Variants in IQSEC1 observed in about 807,000 individuals in gnomAD.
IQSEC1 encodes the protein IQ motif and Sec7 domain ArfGEF 1.
A neutral mutation model predicts 91.0 loss-of-function variants in IQSEC1; 31 were observed. The observed-to-expected ratio is 0.34, with a 90% CI of 0.26 to 0.46. The LOEUF (loss-of-function observed/expected upper bound fraction) is 0.46, where lower values mean the gene tolerates loss of function less well. Ranked by LOEUF, IQSEC1 falls within the 20% of genes least tolerant of loss-of-function variation. IQSEC1 has a pLI of 1.00. For missense variants in IQSEC1, 1,388 were observed against 1,575.6 expected, an observed-to-expected ratio of 0.88 and a Z score of 2.02; for synonymous variants, 699 against 662.6, an observed-to-expected ratio of 1.05 and a Z score of -0.84.
intron 1 of IQSEC1, among the ~76,000 whole-genome samples, chr3:13,206,533 T>C (rs1576294994): frequency 6.6e-6 from 1 of 152,366 alleles, no homozygotes; most frequent in South Asian, 2.1e-4. Context: ...CATATGACCG[T>C]AAAAACTCAT....
intron 1 of IQSEC1, among the ~76,000 whole-genome samples, chr3:13,041,173 C>T (rs577537922): frequency 6.6e-6 from 1 of 151,964 alleles, no homozygotes; most frequent in East Asian, 1.9e-4. Flanking sequence ...CACCGAATCA[C>T]TGACAGCCGG....
intron 1 of IQSEC1, among the ~76,000 whole-genome samples, chr3:12,971,518 C>G (rs1013325147): frequency 1.3e-5 from 2 of 152,192 alleles, no homozygotes; most frequent in Admixed American, 1.3e-4. Context: ...AAGATGGCAG[C>G]AGCATCTTGC....
At chr3:12,925,417 G>C (rs1262613920) in intron 3 of IQSEC1, among the ~76,000 whole-genome samples, 2 of 152,212 alleles carry the variant, frequency 1.3e-5, no homozygotes, top group African/African-American at 4.8e-5. Context: ...CCAGACTCGG[G>C]AGCCCAACAG....
At chr3:12,902,322 A>G (rs1694405039) in intron 13 of IQSEC1, among the ~76,000 whole-genome samples, 1 of 152,100 alleles carries the variant, frequency 6.6e-6, no homozygotes, top group South Asian at 2.1e-4. Context: ...GAAGAAAGCG[A>G]TGAGGATGGG....
chr3:13,131,941 T>A (rs548026349), intron 2 of IQSEC1, among the ~76,000 whole-genome samples: 3 of 152,252 alleles, frequency 2.0e-5, no homozygotes, highest in Non-Finnish European at 4.4e-5. Flanking sequence ...ATAGTTATAA[T>A]TGCTATATTA....
intron 1 of IQSEC1, among the ~76,000 whole-genome samples, chr3:13,059,869 G>A (rs948908538): frequency 5.9e-5 from 9 of 152,360 alleles, no homozygotes; most frequent in South Asian, 4.1e-4. Context: ...TTGGAGCAGC[G>A]GTGAACTCGA....
intron 12 of IQSEC1, among the ~76,000 whole-genome samples, chr3:12,906,681 C>T (rs528162465): frequency 3.0e-4 from 45 of 152,340 alleles, no homozygotes; most frequent in African/African-American, 1.1e-3. Flanking sequence ...CTCACACGAA[C>T]CTGGGGCCGG....
At chr3:13,266,987 C>T (rs1695503175) in intron 1 of IQSEC1, among the ~76,000 whole-genome samples, 1 of 151,770 alleles carries the variant, frequency 6.6e-6, no homozygotes, top group African/African-American at 2.4e-5. Context: ...TCCATAACCG[C>T]TTACTCGATT....
At chr3:13,233,551 T>C (rs1393381935) in intron 1 of IQSEC1, among the ~76,000 whole-genome samples, 6 of 152,186 alleles carry the variant, frequency 3.9e-5, no homozygotes, top group Non-Finnish European at 5.9e-5. Flanking sequence ...ATTATGTTTA[T>C]CCAAGCCTCA....
At chr3:13,126,574 T>C (rs535430240) in intron 2 of IQSEC1, among the ~76,000 whole-genome samples, 5 of 152,372 alleles carry the variant, frequency 3.3e-5, no homozygotes, top group Non-Finnish European at 7.3e-5. Flanking sequence ...AGTAGGTGTG[T>C]ATTTAACCTT....
At chr3:12,957,453 G>A (rs1699981263) in intron 1 of IQSEC1, among the ~76,000 whole-genome samples, 1 of 152,192 alleles carries the variant, frequency 6.6e-6, no homozygotes, top group African/African-American at 2.4e-5. Flanking sequence ...AAATCTTCCC[G>A]GCTGAGCCAA....
At chr3:13,218,492 G>A (rs1694591930) in intron 1 of IQSEC1, among the ~76,000 whole-genome samples, 1 of 152,244 alleles carries the variant, frequency 6.6e-6, no homozygotes, top group Non-Finnish European at 1.5e-5. Context: ...AGAGTCTTTG[G>A]CGGGAGGTGT....
chr3:12,984,294 G>A (rs1413540132), intron 1 of IQSEC1, among the ~76,000 whole-genome samples: 1 of 152,178 alleles, frequency 6.6e-6, no homozygotes, highest in Non-Finnish European at 1.5e-5. Context: ...CCATGCCTTT[G>A]CTAGCGAGCA....
rs759052806 is a variant in IQSEC1, at chr3:12,901,296, T to C, written c.3032A>G (p.His1011Arg). ...CAGCCCCTCTGGGGGCCCCAGGTGGTGGCCAGCCACAGAGTGCTGCAAGTG... is the reference window on the plus strand; with the variant it reads ...CAGCCCCTCTGGGGGCCCCAGGTGGCGGCCAGCCACAGAGTGCTGCAAGTG... ...LPHLQHSVAG[H>R]HLGPPEGLPQ... The change falls in exon 14 of 14, where the codon CAC (histidine) becomes CGC (arginine). Residue 1011 changes from histidine (H) to arginine (R), a missense_variant. By Grantham distance (29) the His-to-Arg change is conservative. Coordinates refer to ENST00000613206, the MANE Select transcript of IQSEC1 (RefSeq NM_001134382.3). The C allele has an allele frequency of 7.5e-7, 1 of 1,342,272 alleles. No individual in the cohort carries two copies. Among genetic ancestry groups the C allele is most frequent in the Non-Finnish European group, 9.8e-7 (1 of 1,022,294 alleles). The allele number at this position is 1,342,272 out of a possible 1,614,324, so 83.1% of individuals were successfully genotyped here.
chr3:13,247,522 G>A (rs191574482), intron 1 of IQSEC1, among the ~76,000 whole-genome samples: 2 of 152,272 alleles, frequency 1.3e-5, no homozygotes, highest in East Asian at 1.9e-4. Context: ...CAGGCTCCAC[G>A]CCAGAAGCTG....
At chr3:12,953,365 C>T (rs1291674333) in intron 1 of IQSEC1, among the ~76,000 whole-genome samples, 1 of 152,252 alleles carries the variant, frequency 6.6e-6, no homozygotes, top group Non-Finnish European at 1.5e-5. Flanking sequence ...ACCGGCCTCA[C>T]TGACATGCCC....
chr3:13,054,401 G>C (rs868447714), intron 1 of IQSEC1, among the ~76,000 whole-genome samples: 1 of 152,246 alleles, frequency 6.6e-6, no homozygotes, highest in African/African-American at 2.4e-5. Context: ...AAGGGAGGAA[G>C]CAGTGGGCAC....
At chr3:13,114,604 C>A (rs947755414) in intron 2 of IQSEC1, among the ~76,000 whole-genome samples, 4 of 151,982 alleles carry the variant, frequency 2.6e-5, no homozygotes, top group Non-Finnish European at 4.4e-5. Flanking sequence ...TCGGCCTGGG[C>A]AACATGGTGA....
intron 1 of IQSEC1, among the ~76,000 whole-genome samples, chr3:13,232,049 G>A (rs937798330): frequency 1.3e-5 from 2 of 152,208 alleles, no homozygotes; most frequent in Admixed American, 1.3e-4. Flanking sequence ...TGGATTACTT[G>A]GATCATAATT....
Sources: gnomAD v4.1 joint callset for allele counts (sites outside exome capture counted in the v4.1 genomes callset) on GRCh38, gnomAD v4.1.1 for gene constraint, MANE v1.5 for transcripts, NCBI Gene and HGNC (gene_info 2026-07-23, HGNC 2026-07-21) for gene names.